Variants in MYO16 observed in about 807,000 individuals in gnomAD.
MYO16 encodes unconventional myosin-XVI.
Under a neutral mutation model 205.3 loss-of-function variants are expected in MYO16, and 94 were observed. That is an observed-to-expected ratio of 0.46 (90% CI 0.39 to 0.54). MYO16 has a LOEUF of 0.54. Among genes scored for constraint, MYO16 ranks in the 20% least tolerant of loss-of-function variants. MYO16 has a pLI of 0.00. For synonymous variants in MYO16, 988 were observed against 954.0 expected, an observed-to-expected ratio of 1.04 and a Z score of -0.66; for missense variants, 2,315 against 2,387.5, an observed-to-expected ratio of 0.97 and a Z score of 0.63.
intron 25 of MYO16, chr13:109,054,303 C>T: frequency 2.5e-6 from 1 of 401,376 alleles, no homozygotes. Flanking sequence ...CCATTTTTTA[C>T]AGATAGGTAA....
intron 27 of MYO16, among the ~76,000 whole-genome samples, chr13:109,070,725 T>G (rs1887897645): frequency 1.3e-5 from 2 of 152,338 alleles, no homozygotes; most frequent in South Asian, 4.1e-4. Context: ...TGTTTTATCT[T>G]TTAAAGGTTA....
At chr13:109,155,111 T>A (rs1300081821) in intron 32 of MYO16, among the ~76,000 whole-genome samples, 2 of 152,142 alleles carry the variant, frequency 1.3e-5, no homozygotes, top group Admixed American at 6.5e-5. Context: ...CTGACAGTCA[T>A]TTTTTAGCTT....
intron 20 of MYO16, among the ~76,000 whole-genome samples, chr13:108,987,124 T>G (rs78808641): frequency 6.6e-6 from 1 of 152,310 alleles, no homozygotes; most frequent in African/African-American, 2.4e-5. Flanking sequence ...GTTCTGTACT[T>G]CCTAACATAT....
At chr13:109,042,767 A>C (rs1303615209) in intron 23 of MYO16, among the ~76,000 whole-genome samples, 1 of 152,226 alleles carries the variant, frequency 6.6e-6, no homozygotes, top group Non-Finnish European at 1.5e-5. Context: ...AAAGACTCAA[A>C]GAATGTAAAG....
intron 20 of MYO16, among the ~76,000 whole-genome samples, chr13:108,984,221 A>G (rs1353679192): frequency 2.0e-5 from 3 of 152,158 alleles, no homozygotes; most frequent in Non-Finnish European, 2.9e-5. Context: ...GTCTTAGGAG[A>G]ACTGGTAGGA....
chr13:109,110,889 T>C (rs948079667), intron 28 of MYO16, among the ~76,000 whole-genome samples: 2 of 152,212 alleles, frequency 1.3e-5, no homozygotes, highest in African/African-American at 2.4e-5. Context: ...CTACTCATCC[T>C]TGTGGTCCCA....
Position 108,714,602 on chromosome 13 carries a change from GTGTGTGTGTGTA to G in MYO16, c.363+1873_363+1884del, listed in dbSNP as rs1482316388. ...TTCACGTGTGTGTGTCTGTGTGTGT[GTGTGTGTGTGTA>G]TATATATAGAGAGAGAGAGATTAGA... On this transcript the variant is annotated intron_variant, in intron 3 of 34. Transcript: ENST00000457511. Among the ~76,000 whole-genome samples, 757 of 99,016 alleles carry G rather than the reference GTGTGTGTGTGTA, an allele frequency of 7.6e-3. 7 individuals carry two copies. The highest frequency in any genetic ancestry group is 0.025 in the African/African-American group (718 of 28,362). The allele number at this position is 99,016 out of a possible 152,430, so 65.0% of individuals were successfully genotyped here.
At chr13:108,661,453 A>G (rs1881498465) in intron 1 of MYO16, among the ~76,000 whole-genome samples, 1 of 151,686 alleles carries the variant, frequency 6.6e-6, no homozygotes, top group African/African-American at 2.4e-5. Flanking sequence ...ATAATCCCAG[A>G]CTTCTTGGAG....
intron 17 of MYO16, among the ~76,000 whole-genome samples, chr13:108,960,339 A>G (rs1033503951): frequency 2.6e-5 from 4 of 152,120 alleles, no homozygotes; most frequent in African/African-American, 9.7e-5. Flanking sequence ...AGGCTTGAAT[A>G]ATGCCATTTT....
intron 16 of MYO16, among the ~76,000 whole-genome samples, chr13:108,954,872 A>G (rs940148284): frequency 5.3e-5 from 8 of 152,150 alleles, no homozygotes; most frequent in African/African-American, 1.4e-4. Flanking sequence ...CACTGCTCCA[A>G]ACCCCAGCTT....
rs192355046 is a variant in MYO16 at position 108,832,896 on chromosome 13, C to T, written c.1097+9618C>T. ...AATGTGTTTACAAAATATTGATAAA[C>T]CTGTCAATAAGTTCCTTAATTATTT... On this transcript the variant is annotated intron_variant, in intron 9 of 34. Coordinates refer to ENST00000457511, the MANE Select transcript of MYO16 (RefSeq NM_001198950.3). 5.7e-3 allele frequency among the ~76,000 whole-genome samples: 869 copies of T among 152,064 alleles called. 3 individuals are homozygous for T. The highest frequency in any genetic ancestry group is 7.1e-3 in the Admixed American group (108 of 15,254).
chr13:108,834,907 C>G (rs1876820996), intron 9 of MYO16, among the ~76,000 whole-genome samples: 1 of 151,804 alleles, frequency 6.6e-6, no homozygotes, highest in African/African-American at 2.4e-5. Context: ...TATTATTAAT[C>G]ACAGTGATTA....
At chr13:108,619,978 T>C (rs922800291) in intron 1 of MYO16, among the ~76,000 whole-genome samples, 2 of 152,148 alleles carry the variant, frequency 1.3e-5, no homozygotes, top group South Asian at 2.1e-4. Context: ...TATTGCCCCA[T>C]GATGAAAGGT....
chr13:109,148,932 G>A (rs1301246048), intron 32 of MYO16, among the ~76,000 whole-genome samples: 1 of 152,192 alleles, frequency 6.6e-6, no homozygotes, highest in Non-Finnish European at 1.5e-5. Flanking sequence ...AATATAGGTT[G>A]AGACATGAAA....
At chr13:109,026,852 C>G (rs566333674) in intron 23 of MYO16, among the ~76,000 whole-genome samples, 6 of 152,256 alleles carry the variant, frequency 3.9e-5, no homozygotes, top group East Asian at 1.9e-4. Flanking sequence ...ATGACATTTT[C>G]CAGTTTACAA....
intron 2 of MYO16, among the ~76,000 whole-genome samples, chr13:108,686,367 T>A (rs1882675694): frequency 6.6e-6 from 1 of 152,228 alleles, no homozygotes; most frequent in Non-Finnish European, 1.5e-5. Flanking sequence ...TTAAAAATAC[T>A]TTAAAGATAT....
chr13:109,168,617 C>G (rs373358884), intron 33 of MYO16, among the ~76,000 whole-genome samples: 6 of 152,028 alleles, frequency 3.9e-5, no homozygotes, highest in Middle Eastern at 3.4e-3. Context: ...CCCGGCGACT[C>G]GGAAAGCTGA....
intron 5 of MYO16, 62 bp downstream of exon 5, chr13:108,785,805 C>A: frequency 2.8e-6 from 3 of 1,080,516 alleles, no homozygotes; most frequent in South Asian, 1.4e-5. Flanking sequence ...AGTGTGTATT[C>A]ATTTTCACAG....
chr13:108,690,081 A>G (rs553544703), intron 2 of MYO16, among the ~76,000 whole-genome samples: 109 of 152,094 alleles, frequency 7.2e-4, no homozygotes, highest in Non-Finnish European at 1.4e-3. Context: ...TCCACCAGAT[A>G]CTCTCAAATT....
Sources: gnomAD v4.1 joint callset for allele counts (sites outside exome capture counted in the v4.1 genomes callset) on GRCh38, gnomAD v4.1.1 for gene constraint, MANE v1.5 for transcripts, NCBI Gene and HGNC (gene_info 2026-07-23, HGNC 2026-07-21) for gene names.